The following SRCAP variants were observed in gnomAD, a reference collection of about 807,000 sequenced individuals.
SRCAP encodes Snf2 related CREBBP activator protein, also known as chromatin remodeling protein SRCAP.
Under a neutral mutation model 263.1 loss-of-function variants are expected in SRCAP, and 46 were observed. That is an observed-to-expected ratio of 0.17 (90% CI 0.14 to 0.22). The LOEUF (loss-of-function observed/expected upper bound fraction) is 0.22. SRCAP is among the 10% of genes least tolerant of loss of function. The pLI, the probability that SRCAP is intolerant of heterozygous loss-of-function variation, is 1.00. For synonymous variants in SRCAP, 1,813 were observed against 1,662.1 expected (o/e 1.09, Z -2.21); for missense variants, 3,695 against 4,181.9 (o/e 0.88, Z 3.21).
chr16:30,738,559 G>A lies in SRCAP; in HGVS notation c.8519G>A (p.Ser2840Asn). The change falls in exon 34 of 34, where the codon AGC (serine) becomes AAC (asparagine). Residue 2840 changes from serine (S) to asparagine (N), a missense_variant. Around this residue, in one of 12 missense-constraint regions of SRCAP, gnomAD observed 1,207 missense variants for 1,142.9 expected, o/e 1.06. Transcript: ENST00000262518. Reference sequence around the variant, plus strand: ...GAGCTGGGGGTGACTGGTGGTGGCAGCCCCGAGAATGGAGACGGAGCACTG... The same window carrying A: ...GAGCTGGGGGTGACTGGTGGTGGCAACCCCGAGAATGGAGACGGAGCACTG... ...HIELGVTGGG[S>N]PENGDGALLA... 1 of 1,610,854 alleles carries A rather than the reference G, an allele frequency of 6.2e-7. No homozygotes were observed. The highest frequency in any genetic ancestry group is 8.5e-7 in the Non-Finnish European group (1 of 1,178,432).
intron 8 of SRCAP, 107 bp from the exon 9 acceptor site, chr16:30,710,647 G>A (rs199506415): frequency 1.5e-5 from 17 of 1,144,230 alleles, no homozygotes; most frequent in Non-Finnish European, 2.3e-5. Context: ...AGTGGCAACT[G>A]TCACTCAATG....
rs371092100 is a variant in SRCAP at position 30,710,850 on chromosome 16, C to T, written c.1228+3C>T. On this transcript the variant is annotated splice_donor_region_variant and intron_variant, in intron 9 of 33. Transcript: ENST00000262518. The stretch of plus-strand genomic sequence containing the variant: ...GTTTACTGCCAACGAAGAGGAAGGT[C>T]AGGGCTGTTCGGTTTGTCCTATTGC... 4.3e-6 allele frequency: 7 copies of T among 1,614,102 alleles called. No individual in the cohort carries two copies. In the African/African-American group the frequency reaches 6.7e-5, roughly 15 times the overall value.
chr16:30,706,340 C>T (rs1484693524), intron 4 of SRCAP, among the ~76,000 whole-genome samples: 2 of 152,076 alleles, frequency 1.3e-5, no homozygotes, highest in Admixed American at 6.6e-5. Flanking sequence ...TGCCTATAGT[C>T]AGTCTCAGCT....
In SRCAP at chr16:30,738,211, C is replaced by G; in HGVS notation, c.8171C>G (p.Thr2724Ser). The stretch of plus-strand genomic sequence containing the variant: ...CCTGCCCGACCTCCTCGGCGTCGCA[C>G]CAGTGCTGATGTGGAAATTAGGGGT... ...PSPARPPRRRTSADVEIRGQG... is the reference protein window; with the variant it reads ...PSPARPPRRRSSADVEIRGQG... Residue 2724 changes from threonine to serine, a missense_variant, in exon 34 of 34, where the codon ACC becomes AGC. Coordinates refer to ENST00000262518, the MANE Select transcript of SRCAP (RefSeq NM_006662.3). 3 of 1,614,178 alleles carry G rather than the reference C, an allele frequency of 1.9e-6. No individual in the cohort carries two copies. Among genetic ancestry groups the G allele is most frequent in the Non-Finnish European group, 2.5e-6 (3 of 1,180,028 alleles).
rs756429759 is a variant in SRCAP at position 30,720,834 on chromosome 16, A to T, written c.3109A>T (p.Thr1037Ser). The change falls in exon 20 of 34, where the codon ACC becomes TCC. Residue 1037 changes from threonine (T) to serine (S), a missense_variant. Thr to Ser is a moderately conservative substitution (Grantham distance 58, BLOSUM62 1). Around this residue, in one of 12 missense-constraint regions of SRCAP, gnomAD observed 1,347 missense variants for 1,304.4 expected, o/e 1.03. Coordinates refer to ENST00000262518, the MANE Select transcript of SRCAP (RefSeq NM_006662.3). ...AGGTCCTGAGCTCTCAGCCCAGCCCACCCCTGGCCCAGTCCCCCAAGTGCT... is the reference window on the plus strand; with the variant it reads ...AGGTCCTGAGCTCTCAGCCCAGCCCTCCCCTGGCCCAGTCCCCCAAGTGCT... ...PPGPELSAQPTPGPVPQVLPA... is the reference protein window; with the variant it reads ...PPGPELSAQPSPGPVPQVLPA... The T allele has an allele frequency of 1.9e-6, 3 of 1,613,356 alleles. No homozygotes were observed. Among genetic ancestry groups the T allele is most frequent in the Admixed American group, 1.7e-5 (1 of 59,932 alleles).
intron 9 of SRCAP, 45 bp from the exon 10 acceptor site, chr16:30,710,954 C>T (rs757453319): frequency 3.8e-6 from 6 of 1,597,884 alleles, no homozygotes; most frequent in African/African-American, 1.3e-5. Context: ...TGTCCTGTGC[C>T]TCTAGCCTCT....
chr16:30,700,388 A>G (rs1041405707), intron 2 of SRCAP, among the ~76,000 whole-genome samples: 2 of 152,204 alleles, frequency 1.3e-5, no homozygotes, highest in African/African-American at 2.4e-5. Context: ...GAGGAAGTCA[A>G]TATTTGTTAT....
At position 30,739,636 on chromosome 16, in the gene SRCAP, C is replaced by T. The variant is rs1361978576; in HGVS notation, c.9596C>T (p.Thr3199Ile). Residue 3199 changes from threonine to isoleucine, a missense_variant, in exon 34 of 34, where the codon ACC becomes ATC. This residue lies in a region of SRCAP where 1,207 missense variants were observed against 1,142.9 expected (regional missense o/e 1.06). Coordinates refer to ENST00000262518, the MANE Select transcript of SRCAP (RefSeq NM_006662.3). Reference protein sequence around the residue: ...RRPGPRRLVGTTNQGDQRILR... With the variant: ...RRPGPRRLVGITNQGDQRILR... ...CCTGGCCCCCGCCGGCTTGTTGGGA[C>T]CACCAACCAAGGGGACCAGCGCATC... 1 of 1,591,256 alleles carries T rather than the reference C, an allele frequency of 6.3e-7. No individual in the cohort carries two copies. Among genetic ancestry groups the T allele is most frequent in the Non-Finnish European group, 8.5e-7 (1 of 1,169,960 alleles).
At position 30,738,630 on chromosome 16, in the gene SRCAP, C is replaced by G. The variant is rs937457175; in HGVS notation, c.8590C>G (p.Pro2864Ala). 6.2e-7 allele frequency: 1 copy of G among 1,606,588 alleles called. No individual in the cohort carries two copies. The highest frequency in any genetic ancestry group is 8.5e-7 in the Non-Finnish European group (1 of 1,176,458). Reference sequence around the variant, plus strand: ...TGTGAAACGTCGGAGGGGGAGGCCCCCCAAGAAGAACAGGTCTCCAGCAGA... The same window carrying G: ...TGTGAAACGTCGGAGGGGGAGGCCCGCCAAGAAGAACAGGTCTCCAGCAGA... Reference protein sequence around the residue: ...PAVKRRRGRPPKKNRSPADAG... With the variant: ...PAVKRRRGRPAKKNRSPADAG... Residue 2864 changes from proline to alanine, a missense_variant, in exon 34 of 34, where the codon CCC becomes GCC. By Grantham distance (27) the Pro-to-Ala change is conservative (BLOSUM62 -1). Transcript: ENST00000262518.
intron 31 of SRCAP, 40 bp downstream of exon 31, chr16:30,734,655 C>G (rs62057184): frequency 1.9e-6 from 3 of 1,612,738 alleles, no homozygotes; most frequent in South Asian, 2.2e-5. Context: ...TGAGCTGATT[C>G]TTACAGAATA....
In SRCAP at chr16:30,723,217, C is replaced by T; in HGVS notation, c.4147C>T (p.Pro1383Ser). 6.2e-7 allele frequency: 1 copy of T among 1,609,930 alleles called. No individual in the cohort carries two copies. Among genetic ancestry groups the T allele is most frequent in the Non-Finnish European group, 8.5e-7 (1 of 1,177,052 alleles). The change falls in exon 24 of 34, where the codon CCT (proline) becomes TCT (serine). Residue 1383 changes from proline (P) to serine (S), a missense_variant. Around this residue, in one of 12 missense-constraint regions of SRCAP, gnomAD observed 1,347 missense variants for 1,304.4 expected, o/e 1.03. Transcript: ENST00000262518. ...PLLKLVHSPSPEVSASAPGAA... is the reference protein window; with the variant it reads ...PLLKLVHSPSSEVSASAPGAA... ...TCTCAAGCTGGTCCACAGTCCTTCA[C>T]CTGAAGTCAGTGGTGAGTCCAGGTG...
Position 30,716,151 on chromosome 16 carries a change from G to C in SRCAP, c.2579G>C (p.Arg860Thr). ...AAGTACGAGCATGTTATCCGCTGCAGGCTCTCCAAGCGTCAACGCTGTCTC... is the reference window on the plus strand; with the variant it reads ...AAGTACGAGCATGTTATCCGCTGCACGCTCTCCAAGCGTCAACGCTGTCTC... Reference protein sequence around the residue: ...PKKYEHVIRCRLSKRQRCLYD... With the variant: ...PKKYEHVIRCTLSKRQRCLYD... The change falls in exon 17 of 34, where the codon AGG (arginine) becomes ACG (threonine). Residue 860 changes from arginine to threonine, a missense_variant. Around this residue, in one of 12 missense-constraint regions of SRCAP, gnomAD observed 147 missense variants for 212.7 expected, o/e 0.69. Coordinates refer to ENST00000262518, the MANE Select transcript of SRCAP (RefSeq NM_006662.3). 2 of 1,614,202 alleles carry C rather than the reference G, an allele frequency of 1.2e-6. No individual in the cohort carries two copies. Among genetic ancestry groups the C allele is most frequent in the Non-Finnish European group, 1.7e-6 (2 of 1,180,040 alleles).
rs1487115776 is a variant in SRCAP at position 30,713,513 on chromosome 16, T to C, written c.2301-6T>C. The C allele has an allele frequency of 6.2e-6, 10 of 1,613,876 alleles. No homozygotes were observed. Among genetic ancestry groups the C allele is most frequent in the Non-Finnish European group, 8.5e-6 (10 of 1,179,836 alleles). On this transcript the variant is annotated splice_region_variant and splice_polypyrimidine_tract_variant and intron_variant, in intron 15 of 33. Transcript: ENST00000262518. Reference sequence around the variant, plus strand: ...ACTCTCTCTGATTCTCTCTGTCTCTTTGCAGCCAGAGACGCCTGCTCCTGA... The same window carrying C: ...ACTCTCTCTGATTCTCTCTGTCTCTCTGCAGCCAGAGACGCCTGCTCCTGA...
At position 30,738,011 on chromosome 16, in the gene SRCAP, A is replaced by T; in HGVS notation, c.7971A>T (p.Ser2657=). The T allele has an allele frequency of 6.2e-7, 1 of 1,614,084 alleles. No homozygotes were observed. Among genetic ancestry groups the T allele is most frequent in the Non-Finnish European group, 8.5e-7 (1 of 1,180,022 alleles). The part of the protein sequence containing the change: ...SESNGLELPP[S]AASDEPLQEP... ...GCAATGGCCTGGAGCTCCCACCCTC[A>T]GCAGCATCTGATGAGCCACTTCAGG... The change falls in exon 34 of 34, where the codon TCA becomes TCT. Residue 2657 remains serine (S), a synonymous_variant. Transcript: ENST00000262518.
At position 30,723,606 on chromosome 16, in the gene SRCAP, C is replaced by T; in HGVS notation, c.4182C>T (p.Pro1394=). ...EVSASAPGAA[P]LTISSPLHVP... is the part of the protein sequence containing the mutation. ...CAGCTTCAGCCCCCGGAGCTGCCCC[C>T]TTGACCATCTCTTCTCCTCTCCACG... The change falls in exon 25 of 34, where the codon CCC becomes CCT. Residue 1394 remains proline, a synonymous_variant. Coordinates refer to ENST00000262518, the MANE Select transcript of SRCAP (RefSeq NM_006662.3). The T allele has an allele frequency of 1.2e-6, 2 of 1,613,546 alleles. No homozygotes were observed. Among genetic ancestry groups the T allele is most frequent in the Non-Finnish European group, 1.7e-6 (2 of 1,179,706 alleles).
chr16:30,703,944 A>G, intron 3 of SRCAP, 120 bp from the exon 4 acceptor site: 1 of 1,193,072 alleles, frequency 8.4e-7, no homozygotes, highest in South Asian at 1.7e-5. Flanking sequence ...GTTTATGAAA[A>G]TAAGGTTTAT....
chr16:30,725,301 G>A, intron 25 of SRCAP: 1 of 949,368 alleles, frequency 1.1e-6, no homozygotes, highest in Non-Finnish European at 1.5e-6. Context: ...GATTACAGGG[G>A]TGAGCCACCA....
At chr16:30,735,168 A>T (rs2053148233) in intron 31 of SRCAP, among the ~76,000 whole-genome samples, 1 of 112,572 alleles carries the variant, frequency 8.9e-6, no homozygotes, top group African/African-American at 4.2e-5. Context: ...TTTTTTTGAG[A>T]CGGAGTCTCG....
chr16:30,701,952 CTT>C (rs1390062542), intron 3 of SRCAP, among the ~76,000 whole-genome samples: 13 of 139,418 alleles, frequency 9.3e-5, no homozygotes, highest in Admixed American at 1.5e-4. Context: ...TTCTTTCTTT[CTT>C]TTTTTTTTTT....
Sources: gnomAD v4.1 joint callset for allele counts (sites outside exome capture counted in the v4.1 genomes callset) on GRCh38, gnomAD v4.1.1 for gene constraint, gnomAD v4.1.1 regional missense constraint, MANE v1.5 for transcripts, NCBI Gene and HGNC (gene_info 2026-07-23, HGNC 2026-07-21) for gene names.